RGS7: variants seen among roughly 807,000 people sequenced by gnomAD.
RGS7 encodes regulator of G-protein signaling 7.
In RGS7, 27 loss-of-function variants were observed where a neutral mutation model predicts 81.1. The ratio of observed to expected loss-of-function variants is 0.33; its 90% confidence interval spans 0.25 to 0.46. RGS7 has a LOEUF of 0.46. Ranked by LOEUF, RGS7 falls within the 20% of genes least tolerant of loss-of-function variation. RGS7 has a pLI of 1.00. For synonymous variants in RGS7, 208 were observed against 207.7 expected (o/e 1.00, Z -0.01); for missense variants, 396 against 607.4 (o/e 0.65, Z 3.66).
intron 3 of RGS7, among the ~76,000 whole-genome samples, chr1:240,995,502 T>C (rs1422938205): frequency 6.6e-6 from 1 of 152,226 alleles, no homozygotes; most frequent in Non-Finnish European, 1.5e-5. Flanking sequence ...TTAATTTTCT[T>C]AATAGTCATT....
intron 3 of RGS7, among the ~76,000 whole-genome samples, chr1:241,002,156 A>T (rs1318956472): frequency 6.6e-6 from 1 of 152,022 alleles, no homozygotes; most frequent in Non-Finnish European, 1.5e-5. Context: ...GCATAGTCTT[A>T]AAAAAATAGG....
intron 2 of RGS7, among the ~76,000 whole-genome samples, chr1:241,273,378 C>A (rs894566302): frequency 1.3e-5 from 2 of 152,118 alleles, no homozygotes; most frequent in African/African-American, 4.8e-5. Context: ...TTCTCCTTAA[C>A]AGCCCAGCCA....
intron 4 of RGS7, among the ~76,000 whole-genome samples, chr1:240,974,952 C>A (rs1022338254): frequency 9.2e-5 from 14 of 151,702 alleles, no homozygotes; most frequent in African/African-American, 3.4e-4. Flanking sequence ...TGCCTGTAAC[C>A]AGTAAGTGCT....
intron 4 of RGS7, among the ~76,000 whole-genome samples, chr1:240,942,281 C>T (rs1262341884): frequency 6.6e-6 from 1 of 152,162 alleles, no homozygotes; most frequent in Admixed American, 6.5e-5. Context: ...GGGGTGCAAT[C>T]GGTTAGCTCA....
chr1:240,914,507 G>A (rs892884260), intron 6 of RGS7, among the ~76,000 whole-genome samples: 2 of 152,086 alleles, frequency 1.3e-5, no homozygotes, highest in Non-Finnish European at 2.9e-5. Flanking sequence ...TGGAAAGGGA[G>A]AACTCATGGA....
intron 4 of RGS7, among the ~76,000 whole-genome samples, chr1:240,978,397 A>G (rs1223125083): frequency 1.3e-5 from 2 of 152,232 alleles, no homozygotes; most frequent in East Asian, 1.9e-4. Context: ...TTTTATGCTT[A>G]GAGTCTATGA....
intron 3 of RGS7, among the ~76,000 whole-genome samples, chr1:241,057,240 T>C (rs950796562): frequency 2.0e-5 from 3 of 152,174 alleles, no homozygotes; most frequent in Non-Finnish European, 2.9e-5. Context: ...AACACCAGAC[T>C]AGAAGTCAGT....
intron 3 of RGS7, among the ~76,000 whole-genome samples, chr1:241,055,299 C>T (rs2061424540): frequency 1.3e-5 from 2 of 152,146 alleles, no homozygotes; most frequent in Admixed American, 6.5e-5. Flanking sequence ...TCACAAGCAT[C>T]AGGTTGTGAC....
chr1:241,067,024 T>G (rs1041556380), intron 3 of RGS7, among the ~76,000 whole-genome samples: 1 of 152,228 alleles, frequency 6.6e-6, no homozygotes. Context: ...AAGGGCTTAG[T>G]GGCTAATTAG....
intron 6 of RGS7, among the ~76,000 whole-genome samples, chr1:240,884,962 G>C (rs1211120055): frequency 2.0e-5 from 3 of 152,136 alleles, no homozygotes; most frequent in East Asian, 3.9e-4. Flanking sequence ...ACAGAGTAAA[G>C]AGACAACCTA....
chr1:240,835,795 C>T (rs1309214689), intron 9 of RGS7, among the ~76,000 whole-genome samples: 1 of 152,080 alleles, frequency 6.6e-6, no homozygotes, highest in Non-Finnish European at 1.5e-5. Flanking sequence ...CAAGGAGGAA[C>T]CTTACGTGCG....
At chr1:241,290,033 C>T (rs1417815046) in intron 2 of RGS7, among the ~76,000 whole-genome samples, 4 of 152,338 alleles carry the variant, frequency 2.6e-5, no homozygotes, top group African/African-American at 9.6e-5. Context: ...AAGGCTAAAG[C>T]AGTACTACAC....
chr1:240,855,567 C>A (rs977441973), intron 9 of RGS7, among the ~76,000 whole-genome samples: 1 of 151,524 alleles, frequency 6.6e-6, no homozygotes, highest in African/African-American at 2.4e-5. Context: ...AGTTTTTCTC[C>A]ACATCTTTCC....
At chr1:240,946,591 C>A (rs1418613075) in intron 4 of RGS7, among the ~76,000 whole-genome samples, 2 of 152,018 alleles carry the variant, frequency 1.3e-5, no homozygotes, top group African/African-American at 4.8e-5. Flanking sequence ...CAGAGTAAGA[C>A]CCCCTCTTTA....
At chr1:240,797,275 TC>T (rs1442857250) in intron 18 of RGS7, among the ~76,000 whole-genome samples, 1 of 152,194 alleles carries the variant, frequency 6.6e-6, no homozygotes, top group Non-Finnish European at 1.5e-5. Context: ...ACCCTGTTTT[TC>T]CTTTGTTTTC....
intron 2 of RGS7, among the ~76,000 whole-genome samples, chr1:241,342,689 A>C (rs2082634770): frequency 6.6e-6 from 1 of 152,200 alleles, no homozygotes; most frequent in Admixed American, 6.5e-5. Context: ...GCCCTTCCTA[A>C]AGTGCGGACA....
At chr1:241,224,453 T>C (rs1199678238) in intron 2 of RGS7, among the ~76,000 whole-genome samples, 1 of 152,096 alleles carries the variant, frequency 6.6e-6, no homozygotes, top group Non-Finnish European at 1.5e-5. Flanking sequence ...TGCATAGTAT[T>C]CCAAGGTGTA....
At chr1:241,275,910 C>T (rs1306497614) in intron 2 of RGS7, among the ~76,000 whole-genome samples, 1 of 152,182 alleles carries the variant, frequency 6.6e-6, no homozygotes, top group Admixed American at 6.5e-5. Context: ...TGAGGCAAAA[C>T]CTAACAATAA....
intron 3 of RGS7, among the ~76,000 whole-genome samples, chr1:240,984,455 A>T (rs1392331368): frequency 6.6e-6 from 1 of 152,192 alleles, no homozygotes; most frequent in Admixed American, 6.5e-5. Flanking sequence ...AGGAGAGATT[A>T]AAAAAGAAGT....
Sources: gnomAD v4.1 joint callset for allele counts (sites outside exome capture counted in the v4.1 genomes callset) on GRCh38, gnomAD v4.1.1 for gene constraint, MANE v1.5 for transcripts, NCBI Gene and HGNC (gene_info 2026-07-23, HGNC 2026-07-21) for gene names.